Variants in AUTS2 observed in about 807,000 individuals in gnomAD.
The protein encoded by AUTS2 is autism susceptibility gene 2 protein.
Under a neutral mutation model 112.4 loss-of-function variants are expected in AUTS2, and 17 were observed. The observed-to-expected ratio is 0.15, with a 90% confidence interval of 0.10 to 0.23. The LOEUF is 0.23. Among genes scored for constraint, AUTS2 ranks in the 10% least tolerant of loss-of-function variants. AUTS2 has a pLI of 1.00. For missense variants in AUTS2, 1,510 were observed against 1,701.6 expected (o/e 0.89, Z 1.98); for synonymous variants, 751 against 702.7 (o/e 1.07, Z -1.09).
At chr7:69,745,712 G>A (rs1167877502) in intron 1 of AUTS2, among the ~76,000 whole-genome samples, 2 of 152,184 alleles carry the variant, frequency 1.3e-5, no homozygotes, top group African/African-American at 2.4e-5. Flanking sequence ...TTTGGGGGAA[G>A]TAATATTTGT....
rs1795083004 is a variant in AUTS2, at chr7:69,904,539, A to T, written c.522+5041A>T. Among the ~76,000 whole-genome samples, 4 of 152,340 alleles carry T rather than the reference A, an allele frequency of 2.6e-5. 1 individual carries two copies. In the South Asian group the frequency reaches 8.3e-4, roughly 32 times the overall value. ...GGGATTTTACTGTCATAATGAAAAG[A>T]CATGAACTTTGCTATGTGCTCTTTC... On this transcript the variant is annotated intron_variant, in intron 2 of 18. Coordinates refer to ENST00000342771, the MANE Select transcript of AUTS2 (RefSeq NM_015570.4).
intron 4 of AUTS2, among the ~76,000 whole-genome samples, chr7:70,161,968 G>A (rs549173531): frequency 1.3e-5 from 2 of 152,230 alleles, no homozygotes; most frequent in African/African-American, 4.8e-5. Flanking sequence ...CTCCTTGATA[G>A]GATTACTAGG....
chr7:69,875,114 C>T (rs546853122), intron 1 of AUTS2, among the ~76,000 whole-genome samples: 28 of 152,044 alleles, frequency 1.8e-4, no homozygotes, highest in Admixed American at 1.6e-3. Flanking sequence ...TATTCCTTCT[C>T]CCCCAACCCC....
chr7:69,912,649 C>T (rs1381527090), intron 2 of AUTS2, among the ~76,000 whole-genome samples: 1 of 152,140 alleles, frequency 6.6e-6, no homozygotes. Flanking sequence ...CTTCTCTTCC[C>T]CCTTTCAAAC....
At chr7:69,847,664 A>G (rs1792270705) in intron 1 of AUTS2, among the ~76,000 whole-genome samples, 1 of 152,216 alleles carries the variant, frequency 6.6e-6, no homozygotes, top group South Asian at 2.1e-4. Context: ...CTAGAAAATA[A>G]AAGACTAGAA....
intron 4 of AUTS2, among the ~76,000 whole-genome samples, chr7:70,263,907 G>C (rs1299253365): frequency 6.6e-6 from 1 of 152,158 alleles, no homozygotes; most frequent in African/African-American, 2.4e-5. Flanking sequence ...TTGAATGTAT[G>C]TTCCACCCAG....
chr7:70,604,776 GCCTTCTGGTA>G (rs1034437302), intron 5 of AUTS2, among the ~76,000 whole-genome samples: 26 of 152,210 alleles, frequency 1.7e-4, no homozygotes, highest in Non-Finnish European at 2.9e-5. Context: ...CCACAGCTCT[GCCTTCTGGTA>G]CCTTCCACCA....
In AUTS2 at chr7:70,355,105, G is replaced by GGT. The variant is rs375728125; in HGVS notation, c.661-80628_661-80627dup. Among the ~76,000 whole-genome samples, 495 of 138,422 alleles carry GGT rather than the reference G, an allele frequency of 3.6e-3. 4 individuals are homozygous for GGT. Among genetic ancestry groups the GGT allele is most frequent in the African/African-American group, 0.01 (396 of 38,804 alleles). 90.8% of individuals were successfully genotyped at this position (138,422 alleles called of 152,430 possible). A position where few individuals can be genotyped will look rare whatever the true frequency, so the allele number is the denominator to read the frequency against. ...ATGTGTGCGTGTGTGTGTATGTATG[G>GGT]GTGTGTGTGTGTGTGTGTGTATATA... On this transcript the variant is annotated intron_variant, in intron 4 of 18. Transcript: ENST00000342771.
intron 1 of AUTS2, among the ~76,000 whole-genome samples, chr7:69,869,957 CT>C (rs1223925118): frequency 6.6e-6 from 1 of 152,076 alleles, no homozygotes; most frequent in Non-Finnish European, 1.5e-5. Context: ...TGTGCCTTAT[CT>C]GATTAAAAAT....
intron 4 of AUTS2, among the ~76,000 whole-genome samples, chr7:70,382,060 C>T (rs1002120397): frequency 1.8e-4 from 27 of 152,228 alleles, no homozygotes; most frequent in Admixed American, 1.7e-3. Flanking sequence ...CAAGTATTCT[C>T]AGCAGTCCAG....
At chr7:70,622,735 T>C (rs1429223092) in intron 5 of AUTS2, among the ~76,000 whole-genome samples, 2 of 152,216 alleles carry the variant, frequency 1.3e-5, no homozygotes, top group African/African-American at 2.4e-5. Context: ...TCTTTCAACT[T>C]AGGGAAAAAT....
chr7:70,019,382 A>G (rs991764800), intron 2 of AUTS2, among the ~76,000 whole-genome samples: 5 of 152,198 alleles, frequency 3.3e-5, no homozygotes, highest in African/African-American at 1.2e-4. Flanking sequence ...TTACCTATGT[A>G]AGAGACCTCC....
intron 1 of AUTS2, among the ~76,000 whole-genome samples, chr7:69,751,524 G>C (rs1481681560): frequency 1.3e-5 from 2 of 152,168 alleles, no homozygotes; most frequent in Non-Finnish European, 2.9e-5. Context: ...TGGAAAGGAG[G>C]TAAGTGTATT....
chr7:70,508,893 G>A (rs550921367), intron 5 of AUTS2, among the ~76,000 whole-genome samples: 8 of 152,292 alleles, frequency 5.3e-5, no homozygotes, highest in Admixed American at 4.6e-4. Flanking sequence ...GGAAGACCCT[G>A]AGTTTGAGTC....
chr7:70,642,272 A>G (rs756800617), intron 5 of AUTS2, among the ~76,000 whole-genome samples: 2 of 152,226 alleles, frequency 1.3e-5, no homozygotes, highest in East Asian at 1.9e-4. Flanking sequence ...TCTGTTGCCC[A>G]TTAGCTAACT....
At chr7:69,767,329 A>G (rs1275730795) in intron 1 of AUTS2, among the ~76,000 whole-genome samples, 1 of 151,264 alleles carries the variant, frequency 6.6e-6, no homozygotes, top group Non-Finnish European at 1.5e-5. Context: ...GGCACACACA[A>G]CCATGCCTGG....
chr7:70,470,409 T>C (rs1013362074), intron 5 of AUTS2, among the ~76,000 whole-genome samples: 3 of 152,232 alleles, frequency 2.0e-5, no homozygotes, highest in Non-Finnish European at 4.4e-5. Flanking sequence ...AGCCTCATGG[T>C]CAAGGTGAAT....
At chr7:70,002,943 A>G (rs1344190934) in intron 2 of AUTS2, among the ~76,000 whole-genome samples, 1 of 151,654 alleles carries the variant, frequency 6.6e-6, no homozygotes, top group Admixed American at 6.6e-5. Flanking sequence ...AACTTTATTC[A>G]AATAGGGATT....
intron 1 of AUTS2, among the ~76,000 whole-genome samples, chr7:69,875,568 G>A (rs1674213127): frequency 6.6e-6 from 1 of 152,086 alleles, no homozygotes; most frequent in Admixed American, 6.5e-5. Context: ...AGAGCCTGTG[G>A]GATGAAAATG....
Sources: allele counts gnomAD v4.1 joint callset (sites outside exome capture counted in the v4.1 genomes callset), GRCh38; gene constraint gnomAD v4.1.1; transcripts MANE v1.5; gene names NCBI Gene and HGNC (gene_info 2026-07-23, HGNC 2026-07-21).